TRIM36: variants seen among roughly 807,000 people sequenced by gnomAD.
TRIM36 encodes the protein E3 ubiquitin-protein ligase TRIM36.
Under a neutral mutation model 72.4 loss-of-function variants are expected in TRIM36, and 42 were observed. That is an observed-to-expected ratio of 0.58 (90% CI 0.45 to 0.75). TRIM36 has a LOEUF of 0.75. Ranked by LOEUF, TRIM36 falls within the 30% of genes least tolerant of loss-of-function variation. The pLI is 0.00. For missense variants in TRIM36, 913 were observed against 857.1 expected, an observed-to-expected ratio of 1.07 and a Z score of -0.81; for synonymous variants, 315 against 282.8, an observed-to-expected ratio of 1.11 and a Z score of -1.14.
At chr5:115,176,274 G>A (rs1451650705) in intron 1 of TRIM36, among the ~76,000 whole-genome samples, 3 of 152,144 alleles carry the variant, frequency 2.0e-5, no homozygotes, top group African/African-American at 4.8e-5. Flanking sequence ...TTGGTCCCAG[G>A]AGATGTTTAA....
chr5:115,134,204 G>GT, intron 7 of TRIM36, 57 bp from the exon 8 acceptor site: 1 of 1,443,302 alleles, frequency 6.9e-7, no homozygotes. Context: ...GAAAACCAGT[G>GT]TTTTTCCTCA....
At chr5:115,154,995 C>A (rs1332838129) in intron 2 of TRIM36, among the ~76,000 whole-genome samples, 1 of 150,674 alleles carries the variant, frequency 6.6e-6, no homozygotes, top group Non-Finnish European at 1.5e-5. Flanking sequence ...GCCTGACCAA[C>A]AAGGAAGAAA....
chr5:115,157,623 A>G (rs1580690309), intron 2 of TRIM36, among the ~76,000 whole-genome samples: 2 of 152,260 alleles, frequency 1.3e-5, no homozygotes, highest in East Asian at 3.9e-4. Flanking sequence ...ACTAGCGGGT[A>G]TCTACCCAGA....
In TRIM36 at chr5:115,126,766, T is replaced by G; in HGVS notation, c.1888A>C (p.Lys630Gln). 6.2e-7 allele frequency: 1 copy of G among 1,614,176 alleles called. No individual in the cohort carries two copies. Residue 630 changes from lysine to glutamine, a missense_variant, in exon 10 of 10, where the codon AAA (lysine) becomes CAA (glutamine). Transcript: ENST00000513154. ...PFTLVTIGMQ[K>Q]FFIPKSPTSS... The stretch of plus-strand genomic sequence containing the variant: ...GTAGGTGACTTGGGTATAAAAAATT[T>G]CTGCATGCCTATAGTAACTAAGGTA...
In TRIM36 at chr5:115,134,056, A is replaced by G. The variant is rs748234511; in HGVS notation, c.1302T>C (p.Asp434=). Residue 434 remains aspartate, a synonymous_variant, in exon 8 of 10, where the codon GAT becomes GAC. Transcript: ENST00000513154. The stretch of plus-strand genomic sequence containing the variant: ...TTTTCCGATATTCAAGAACATAGCT[A>G]TCAGCTTTATCCTTTTCTGGATGGT... ...NWHHPEKDKA[D]SYVLEYRKIN... is the part of the protein sequence containing the mutation. 7.4e-6 allele frequency: 12 copies of G among 1,613,684 alleles called. No homozygotes were observed. Among genetic ancestry groups the G allele is most frequent in the Admixed American group, 3.3e-5 (2 of 59,968 alleles).
intron 3 of TRIM36, 129 bp from the exon 4 acceptor site, chr5:115,144,873 A>C: frequency 9.9e-7 from 1 of 1,007,004 alleles, no homozygotes; most frequent in East Asian, 2.6e-5. Flanking sequence ...GAATGTAAAA[A>C]GAAAAATGGT....
intron 1 of TRIM36, among the ~76,000 whole-genome samples, chr5:115,165,717 C>G (rs1337917064): frequency 6.6e-6 from 1 of 152,074 alleles, no homozygotes; most frequent in Non-Finnish European, 1.5e-5. Context: ...CGAGTTGGTG[C>G]GGAGGGAGCC....
intron 9 of TRIM36, among the ~76,000 whole-genome samples, chr5:115,127,217 T>G (rs1350856526): frequency 1.3e-5 from 2 of 152,190 alleles, no homozygotes; most frequent in African/African-American, 4.8e-5. Flanking sequence ...AACATTTCAG[T>G]GAACAACAGA....
chr5:115,174,669 A>G (rs1418142055), upstream of TRIM36, among the ~76,000 whole-genome samples: 3 of 152,136 alleles, frequency 2.0e-5, no homozygotes, highest in Admixed American at 1.3e-4. Flanking sequence ...AGCCTCCTTT[A>G]TTAGTTTTGA....
In TRIM36 at chr5:115,126,741, G is replaced by A. The variant is rs1380452190; in HGVS notation, c.1913C>T (p.Thr638Ile). Residue 638 changes from threonine to isoleucine, a missense_variant, in exon 10 of 10, where the codon ACT becomes ATT. Thr to Ile is a moderately conservative substitution (Grantham distance 89). Coordinates refer to ENST00000513154, the MANE Select transcript of TRIM36 (RefSeq NM_001300759.2). ...MQKFFIPKSP[T>I]SSNEPENRVL... ...TCTATTTTCAGGTTCATTAGAAGAA[G>A]TAGGTGACTTGGGTATAAAAAATTT... 1.2e-6 allele frequency: 2 copies of A among 1,614,166 alleles called. No individual in the cohort carries two copies. Among genetic ancestry groups the A allele is most frequent in the Non-Finnish European group, 1.7e-6 (2 of 1,180,038 alleles).
chr5:115,180,262 T>C, upstream of TRIM36: 1 of 480,792 alleles, frequency 2.1e-6, no homozygotes, highest in East Asian at 3.7e-5. Flanking sequence ...AGGATCCGGG[T>C]GCAGCGGTCG....
At chr5:115,160,647 A>T (rs1448734620) in intron 2 of TRIM36, among the ~76,000 whole-genome samples, 1 of 152,204 alleles carries the variant, frequency 6.6e-6, no homozygotes, top group Non-Finnish European at 1.5e-5. Flanking sequence ...AAACCAGCCT[A>T]GGCAACAAAG....
intron 4 of TRIM36, among the ~76,000 whole-genome samples, chr5:115,143,675 A>G (rs1753409223): frequency 1.3e-5 from 2 of 152,224 alleles, no homozygotes; most frequent in Admixed American, 1.3e-4. Flanking sequence ...AAAAAAATGC[A>G]TACACATACT....
At chr5:115,166,894 C>A (rs1754808411) in intron 1 of TRIM36, among the ~76,000 whole-genome samples, 1 of 152,062 alleles carries the variant, frequency 6.6e-6, no homozygotes, top group Non-Finnish European at 1.5e-5. Flanking sequence ...AGCCGGCGCC[C>A]ATACTGGCAC....
chr5:115,134,326 T>G (rs1359801637), intron 7 of TRIM36, among the ~76,000 whole-genome samples, 179 bp from the exon 8 acceptor site: 1 of 151,880 alleles, frequency 6.6e-6, no homozygotes, highest in Non-Finnish European at 1.5e-5. Flanking sequence ...TTTTTTATAT[T>G]TAAAAGGTAT....
chr5:115,149,313 G>C (rs1753762106), intron 2 of TRIM36: 1 of 151,992 alleles, frequency 6.6e-6, no homozygotes, highest in Non-Finnish European at 1.5e-5. Flanking sequence ...CAATTCTGGA[G>C]ATGGTATGGT....
chr5:115,178,707 C>G (rs1052177872), intron 1 of TRIM36, among the ~76,000 whole-genome samples: 3 of 152,086 alleles, frequency 2.0e-5, no homozygotes, highest in African/African-American at 7.2e-5. Context: ...ACTTCTGGCC[C>G]GGGGTTGTAA....
intron 2 of TRIM36, among the ~76,000 whole-genome samples, chr5:115,154,189 G>A (rs771174294): frequency 0.072 from 10,879 of 152,044 alleles, 901 homozygotes; most frequent in East Asian, 0.38. Flanking sequence ...CAAAGGCAGT[G>A]CTAAGACGAA....
At chr5:115,171,521 T>C (rs1755117368), upstream of TRIM36, among the ~76,000 whole-genome samples, 2 of 152,240 alleles carry the variant, frequency 1.3e-5, no homozygotes, top group South Asian at 4.1e-4. Context: ...GAAAGCATTA[T>C]AAGTCTTTCT....
Sources: gnomAD v4.1 joint callset for allele counts (sites outside exome capture counted in the v4.1 genomes callset) on GRCh38, gnomAD v4.1.1 for gene constraint, MANE v1.5 for transcripts, NCBI Gene and HGNC (gene_info 2026-07-23, HGNC 2026-07-21) for gene names.